The following PDE8B variants were observed in gnomAD, a reference collection of about 807,000 sequenced individuals.
PDE8B encodes the protein high affinity cAMP-specific and IBMX-insensitive 3',5'-cyclic phosphodiesterase 8B.
Under a neutral mutation model 101.3 loss-of-function variants are expected in PDE8B, and 26 were observed. The observed-to-expected ratio is 0.26, with a 90% CI of 0.19 to 0.36. The LOEUF (loss-of-function observed/expected upper bound fraction) is 0.36, where lower values mean the gene tolerates loss of function less well. Among genes scored for constraint, PDE8B ranks in the 10% least tolerant of loss-of-function variants. The pLI is 1.00. For missense variants in PDE8B, 810 were observed against 1,163.1 expected (o/e 0.70, Z 4.42); for synonymous variants, 424 against 429.3 (o/e 0.99, Z 0.15).
chr5:77,222,333 G>A (rs916165033), intron 1 of PDE8B, among the ~76,000 whole-genome samples: 1 of 152,132 alleles, frequency 6.6e-6, no homozygotes, highest in Non-Finnish European at 1.5e-5. Flanking sequence ...TAAAAAAAAT[G>A]AATATGATGG....
intron 1 of PDE8B, among the ~76,000 whole-genome samples, chr5:77,238,123 T>C (rs554981937): frequency 2.6e-5 from 4 of 152,190 alleles, no homozygotes; most frequent in South Asian, 2.1e-4. Context: ...AATATATAGG[T>C]TTATGACTTT....
the PDE8B span, among the ~76,000 whole-genome samples, chr5:77,092,299 T>C: frequency 6.6e-6 from 1 of 152,300 alleles, no homozygotes; most frequent in South Asian, 2.1e-4. Context: ...GAAATCTCTT[T>C]CTTGTGTTAA....
the PDE8B span, chr5:77,141,464 C>A: frequency 6.6e-6 from 1 of 152,182 alleles, no homozygotes; most frequent in Non-Finnish European, 1.5e-5. Flanking sequence ...AGGTCATCTG[C>A]TTTGAATCTC....
intron 1 of PDE8B, among the ~76,000 whole-genome samples, chr5:77,275,494 A>G (rs572502017): frequency 2.0e-5 from 3 of 152,316 alleles, no homozygotes; most frequent in Admixed American, 1.3e-4. Context: ...GTGAGGGTGC[A>G]ACACACCAGT....
At chr5:77,203,878 G>C in the PDE8B span, among the ~76,000 whole-genome samples, 1 of 152,140 alleles carries the variant, frequency 6.6e-6, no homozygotes, top group East Asian at 1.9e-4. Context: ...TGCCTAGCAA[G>C]GTGTGCATGC....
At chr5:77,400,666 C>T (rs1792075236) in intron 11 of PDE8B, among the ~76,000 whole-genome samples, 1 of 152,134 alleles carries the variant, frequency 6.6e-6, no homozygotes, top group Non-Finnish European at 1.5e-5. Context: ...CTTTTCTTTG[C>T]ACTAATTGGT....
chr5:77,282,367 C>T (rs951970564), intron 1 of PDE8B, among the ~76,000 whole-genome samples: 4 of 152,010 alleles, frequency 2.6e-5, no homozygotes, highest in African/African-American at 9.7e-5. Context: ...TGTGAATAAC[C>T]CTGAGTTTCC....
rs1303064795 is a variant in PDE8B at position 77,318,066 on chromosome 5, A to AAC, written c.399+6014_399+6015insCA. 2.2e-3 allele frequency among the ~76,000 whole-genome samples: 330 copies of AAC among 150,928 alleles called. 3 individuals are homozygous for AAC. Among genetic ancestry groups the AAC allele is most frequent in the African/African-American group, 7.6e-3 (313 of 41,130 alleles). ...GTGAGACTCCATCTCAAAAAAAAAA[A>AAC]AAAAAAAAAAACACAACAACAACAA... is the stretch of plus-strand genomic sequence containing the variant. On this transcript the variant is annotated intron_variant, in intron 2 of 21. Transcript: ENST00000264917.
rs890003056 is a variant in PDE8B at position 77,345,038 on chromosome 5, T to G, written c.876+107T>G. 3 of 777,956 alleles carry G rather than the reference T, an allele frequency of 3.9e-6. No homozygotes were observed. In the Admixed American group the frequency reaches 5.5e-5, roughly 14 times the overall value. 48.2% of individuals were successfully genotyped at this position (777,956 alleles called of 1,614,324 possible). On this transcript the variant is annotated intron_variant, in intron 7 of 21. Transcript: ENST00000264917. ...CCATCATCCTCATGTATCAGCACAT[T>G]TTCTTAGGAGAAATAAATATCAAGC...
At chr5:77,216,826 T>C (rs1169881881) in intron 1 of PDE8B, among the ~76,000 whole-genome samples, 1 of 152,116 alleles carries the variant, frequency 6.6e-6, no homozygotes, top group East Asian at 1.9e-4. Flanking sequence ...AATCTGTTGA[T>C]TGGGGTTTTC....
At chr5:77,187,032 G>A in the PDE8B span, among the ~76,000 whole-genome samples, 1 of 152,226 alleles carries the variant, frequency 6.6e-6, no homozygotes, top group Non-Finnish European at 1.5e-5. Context: ...CCAGGCAGTG[G>A]TTGTAATGGA....
the PDE8B span, among the ~76,000 whole-genome samples, chr5:77,137,053 G>A: frequency 6.6e-6 from 1 of 152,122 alleles, no homozygotes; most frequent in African/African-American, 2.4e-5. Context: ...ATTCTCTGCA[G>A]GTTCTTACAT....
At chr5:77,222,542 A>G (rs1399540033) in intron 1 of PDE8B, among the ~76,000 whole-genome samples, 4 of 152,120 alleles carry the variant, frequency 2.6e-5, no homozygotes, top group African/African-American at 9.7e-5. Context: ...GGATTACTTG[A>G]ATCTGGGAGG....
the PDE8B span, among the ~76,000 whole-genome samples, chr5:77,183,103 CTATTATTAT>C: frequency 4.6e-5 from 6 of 130,204 alleles, no homozygotes; most frequent in Non-Finnish European, 7.6e-5. Flanking sequence ...TGAAGATGTG[CTATTATTAT>C]TATTATTATT....
intron 1 of PDE8B, among the ~76,000 whole-genome samples, chr5:77,239,297 A>G (rs745638316): frequency 1.7e-4 from 26 of 152,208 alleles, no homozygotes; most frequent in Non-Finnish European, 2.9e-4. Flanking sequence ...AGCCTTTTCA[A>G]TGCTCTTTGA....
At chr5:77,095,426 C>T in the PDE8B span, among the ~76,000 whole-genome samples, 6 of 152,200 alleles carry the variant, frequency 3.9e-5, no homozygotes, top group Non-Finnish European at 1.5e-5. Flanking sequence ...TGTTCCAATT[C>T]TTCAAAGAAA....
intron 5 of PDE8B, among the ~76,000 whole-genome samples, chr5:77,336,617 T>C (rs1306382991): frequency 1.4e-5 from 2 of 138,080 alleles, no homozygotes; most frequent in East Asian, 2.1e-4. Flanking sequence ...AATTTGTTTA[T>C]CTGTTCAAAT....
At chr5:77,247,947 T>G (rs184215815) in intron 1 of PDE8B, among the ~76,000 whole-genome samples, 94 of 152,300 alleles carry the variant, frequency 6.2e-4, no homozygotes, top group African/African-American at 2.2e-3. Flanking sequence ...CAGGAAGGTC[T>G]GAGGTTACAA....
intron 11 of PDE8B, among the ~76,000 whole-genome samples, chr5:77,400,577 G>A (rs770278446): frequency 6.6e-6 from 1 of 152,112 alleles, no homozygotes; most frequent in Non-Finnish European, 1.5e-5. Flanking sequence ...CAAGAGAGTG[G>A]GCCGAAAGTC....
Sources: allele counts gnomAD v4.1 joint callset (sites outside exome capture counted in the v4.1 genomes callset), GRCh38; gene constraint gnomAD v4.1.1; transcripts MANE v1.5; gene names NCBI Gene and HGNC (gene_info 2026-07-23, HGNC 2026-07-21).